The following ARHGAP24 variants were observed in gnomAD, a reference collection of about 807,000 sequenced individuals.
The protein encoded by ARHGAP24 is Rho GTPase activating protein 24.
A neutral mutation model predicts 76.4 loss-of-function variants in ARHGAP24; 50 were observed. That is an observed-to-expected ratio of 0.65 (90% CI 0.52 to 0.83). The LOEUF (loss-of-function observed/expected upper bound fraction) is 0.83, where lower values mean the gene tolerates loss of function less well. Among genes scored for constraint, ARHGAP24 ranks in the 40% least tolerant of loss-of-function variants. ARHGAP24 has a pLI of 0.00. For synonymous variants in ARHGAP24, 345 were observed against 323.3 expected (o/e 1.07, Z -0.72); for missense variants, 930 against 914.2 (o/e 1.02, Z -0.22).
intron 2 of ARHGAP24, among the ~76,000 whole-genome samples, chr4:85,586,914 A>G (rs913114734): frequency 1.3e-5 from 2 of 152,156 alleles, no homozygotes; most frequent in Non-Finnish European, 2.9e-5. Context: ...AAATAAATAA[A>G]TAAATAAAAA....
intron 2 of ARHGAP24, among the ~76,000 whole-genome samples, chr4:85,610,646 C>G (rs1236628958): frequency 6.6e-6 from 1 of 151,124 alleles, no homozygotes; most frequent in East Asian, 2.0e-4. Flanking sequence ...GAAAAAGTGT[C>G]ACACTGATTT....
intron 2 of ARHGAP24, among the ~76,000 whole-genome samples, chr4:85,638,205 T>C (rs1167057114): frequency 1.3e-5 from 2 of 152,174 alleles, no homozygotes; most frequent in Non-Finnish European, 2.9e-5. Flanking sequence ...AGAAATCATT[T>C]TGTGCTAGTC....
intron 3 of ARHGAP24, among the ~76,000 whole-genome samples, chr4:85,813,818 T>TTATACATATA (rs1729117194): frequency 7.3e-6 from 1 of 137,160 alleles, no homozygotes; most frequent in Non-Finnish European, 1.5e-5. Flanking sequence ...TATATTTATT[T>TTATACATATA]TATATATATA....
At chr4:85,696,195 A>G (rs1389444632) in intron 2 of ARHGAP24, among the ~76,000 whole-genome samples, 1 of 150,636 alleles carries the variant, frequency 6.6e-6, no homozygotes, top group Non-Finnish European at 1.5e-5. Context: ...TACATATTGA[A>G]TGTATTTATT....
At chr4:85,722,926 G>A (rs913114870) in intron 3 of ARHGAP24, among the ~76,000 whole-genome samples, 2 of 152,084 alleles carry the variant, frequency 1.3e-5, no homozygotes, top group South Asian at 2.1e-4. Flanking sequence ...TTTTCCCCTC[G>A]ATGAAAACAG....
chr4:85,867,077 C>T (rs1371239043), intron 3 of ARHGAP24, among the ~76,000 whole-genome samples: 2 of 152,178 alleles, frequency 1.3e-5, no homozygotes, highest in Non-Finnish European at 2.9e-5. Flanking sequence ...CTGGACTTTT[C>T]AGCATACTAG....
intron 2 of ARHGAP24, among the ~76,000 whole-genome samples, chr4:85,638,864 G>A (rs1268037778): frequency 6.6e-6 from 1 of 152,130 alleles, no homozygotes; most frequent in Non-Finnish European, 1.5e-5. Flanking sequence ...GAGAATTAAA[G>A]ACAAGAACCT....
chr4:85,552,007 A>C (rs745695603), intron 1 of ARHGAP24, among the ~76,000 whole-genome samples: 4 of 151,994 alleles, frequency 2.6e-5, no homozygotes, highest in Non-Finnish European at 2.9e-5. Context: ...TGTTTATTCC[A>C]GTCTTGATTT....
chr4:85,923,224 G>A lies in ARHGAP24; in HGVS notation c.269-424G>A, dbSNP rs148493179. ...CACGATGTCCTGGTGACCTCTGTGT[G>A]TGTGCACTATGCAGTTCTCAGACTG... On this transcript the variant is annotated intron_variant, in intron 3 of 9. Coordinates refer to ENST00000395184, the MANE Select transcript of ARHGAP24 (RefSeq NM_001025616.3). 7.7e-4 allele frequency among the ~76,000 whole-genome samples: 117 copies of A among 152,214 alleles called. No individual in the cohort carries two copies. In the East Asian group the frequency reaches 0.022, roughly 28 times the overall value.
chr4:85,569,777 G>C (rs955208115), intron 1 of ARHGAP24, among the ~76,000 whole-genome samples: 4 of 152,220 alleles, frequency 2.6e-5, no homozygotes, highest in Admixed American at 6.5e-5. Context: ...CTGGGAAACA[G>C]AGGGTAGAAA....
intron 3 of ARHGAP24, among the ~76,000 whole-genome samples, chr4:85,723,943 ATTAC>A (rs1457251698): frequency 1.4e-4 from 21 of 152,228 alleles, no homozygotes; most frequent in Admixed American, 1.4e-3. Flanking sequence ...TAACATAACA[ATTAC>A]TTTATCTTTG....
chr4:85,678,064 A>AC (rs1723050671), intron 2 of ARHGAP24, among the ~76,000 whole-genome samples: 1 of 151,654 alleles, frequency 6.6e-6, no homozygotes, highest in African/African-American at 2.4e-5. Context: ...AAAAGGAAAA[A>AC]AATTTTAAAA....
At chr4:85,542,354 AC>A (rs974919699) in intron 1 of ARHGAP24, among the ~76,000 whole-genome samples, 15 of 152,122 alleles carry the variant, frequency 9.9e-5, no homozygotes, top group Non-Finnish European at 1.5e-4. Flanking sequence ...TCTCTGGTCC[AC>A]CTTGCAAGCA....
chr4:85,691,889 G>T (rs1365812886), intron 2 of ARHGAP24, among the ~76,000 whole-genome samples: 2 of 152,112 alleles, frequency 1.3e-5, no homozygotes, highest in Non-Finnish European at 2.9e-5. Flanking sequence ...CATGTTGTTA[G>T]CTGGTTGATT....
At chr4:85,914,501 T>G (rs1735260826) in intron 3 of ARHGAP24, among the ~76,000 whole-genome samples, 1 of 152,196 alleles carries the variant, frequency 6.6e-6, no homozygotes, top group African/African-American at 2.4e-5. Context: ...ACACTGAAGT[T>G]TTCATCACAT....
At chr4:85,526,892 A>G (rs1004986526) in intron 1 of ARHGAP24, among the ~76,000 whole-genome samples, 2 of 152,200 alleles carry the variant, frequency 1.3e-5, no homozygotes, top group African/African-American at 4.8e-5. Flanking sequence ...ATTGTGTTGT[A>G]TTAATATTTT....
At chr4:85,695,460 A>G (rs1274071120) in intron 2 of ARHGAP24, among the ~76,000 whole-genome samples, 1 of 152,188 alleles carries the variant, frequency 6.6e-6, no homozygotes, top group Non-Finnish European at 1.5e-5. Flanking sequence ...AGAATGCTCA[A>G]TCATATCATA....
At chr4:85,841,551 T>C (rs1409396190) in intron 3 of ARHGAP24, among the ~76,000 whole-genome samples, 2 of 152,258 alleles carry the variant, frequency 1.3e-5, no homozygotes, top group Non-Finnish European at 2.9e-5. Flanking sequence ...GTTATCATTA[T>C]ATTTTACTAT....
intron 3 of ARHGAP24, among the ~76,000 whole-genome samples, chr4:85,918,030 C>T (rs1735520009): frequency 6.6e-6 from 1 of 151,918 alleles, no homozygotes; most frequent in Non-Finnish European, 1.5e-5. Flanking sequence ...CCATTGAGGA[C>T]ACTCAATGGA....
Sources: allele counts gnomAD v4.1 joint callset (sites outside exome capture counted in the v4.1 genomes callset), GRCh38; gene constraint gnomAD v4.1.1; transcripts MANE v1.5; gene names NCBI Gene and HGNC (gene_info 2026-07-23, HGNC 2026-07-21).